Variants in SAFB2 observed in about 807,000 individuals in gnomAD.
The protein encoded by SAFB2 is scaffold attachment factor B2.
In SAFB2, 32 loss-of-function variants were observed where a neutral mutation model predicts 100.6. The ratio of observed to expected loss-of-function variants is 0.32; its 90% CI spans 0.24 to 0.43. The LOEUF (loss-of-function observed/expected upper bound fraction) is 0.43. Ranked by LOEUF, SAFB2 falls within the 20% of genes least tolerant of loss-of-function variation. SAFB2 has a pLI of 1.00. For missense variants in SAFB2, 1,185 were observed against 1,163.4 expected, an observed-to-expected ratio of 1.02 and a Z score of -0.27; for synonymous variants, 500 against 439.4, an observed-to-expected ratio of 1.14 and a Z score of -1.72.
At chr19:5,619,729 C>T (rs2053102776) in intron 2 of SAFB2, among the ~76,000 whole-genome samples, 1 of 151,956 alleles carries the variant, frequency 6.6e-6, no homozygotes, top group African/African-American at 2.4e-5. Flanking sequence ...CCTGTAATCG[C>T]AGCTACTCAG....
At chr19:5,606,677 A>G (rs1164046498) in intron 9 of SAFB2, among the ~76,000 whole-genome samples, 2 of 152,324 alleles carry the variant, frequency 1.3e-5, no homozygotes, top group East Asian at 3.9e-4. Flanking sequence ...CCACAGAAAA[A>G]GAGAGAGAAA....
chr19:5,606,137 G>A (rs145423137), intron 9 of SAFB2, among the ~76,000 whole-genome samples: 366 of 152,298 alleles, frequency 2.4e-3, no homozygotes, highest in Middle Eastern at 0.024. Context: ...GTAATTCACG[G>A]GCCATCAGAC....
At position 5,610,669 on chromosome 19, in the gene SAFB2, C is replaced by G; in HGVS notation, c.1165G>C (p.Asp389His). The change falls in exon 8 of 21, where the codon GAT (aspartate) becomes CAT (histidine). Residue 389 changes from aspartate to histidine, a missense_variant. Asp to His is a moderately conservative substitution (Grantham distance 81). Around this residue, in one of 3 missense-constraint regions of SAFB2, gnomAD observed 351 missense variants for 341.2 expected, o/e 1.03. Coordinates refer to ENST00000252542, the MANE Select transcript of SAFB2 (RefSeq NM_014649.3). ...TCATCTTTAATGATTGGCTTTATAT[C>G]TTTTTCTTCCTTAAAAGAGCTAGAG... ...QKMSSFKEEK[D>H]IKPIIKDEKG... 1 of 1,566,970 alleles carries G rather than the reference C, an allele frequency of 6.4e-7. No individual in the cohort carries two copies. The highest frequency in any genetic ancestry group is 1.1e-5 in the South Asian group (1 of 87,066).
chr19:5,594,585 A>G (rs549726418), intron 14 of SAFB2, among the ~76,000 whole-genome samples: 2 of 152,178 alleles, frequency 1.3e-5, no homozygotes, highest in African/African-American at 4.8e-5. Context: ...CTCTGCTTGC[A>G]GTTTCTGACC....
chr19:5,608,281 G>A (rs1001608174), intron 9 of SAFB2, among the ~76,000 whole-genome samples: 2 of 152,134 alleles, frequency 1.3e-5, no homozygotes, highest in Non-Finnish European at 2.9e-5. Context: ...CACTGACGGC[G>A]TGCTCTAATA....
In SAFB2 at chr19:5,587,270, C is replaced by CG. The variant is rs755920576; in HGVS notation, c.2834dup (p.Tyr946ValfsTer24). On this transcript the variant is annotated frameshift_variant, in exon 21 of 21. Transcript: ENST00000252542. LOFTEE classifies it high-confidence loss of function. The surrounding 1 kb of genome is among the most constrained non-coding windows in gnomAD (Gnocchi z 4.9). ...AGTAGCGGCGGGTGAAGTGGGGGTA[C>CG]GGGGGGGGATGAGGGTGTGGGTGAG... The CG allele has an allele frequency of 2.2e-5, 36 of 1,607,230 alleles. No individual in the cohort carries two copies. Among genetic ancestry groups the CG allele is most frequent in the East Asian group, 2.2e-5 (1 of 44,740 alleles).
At chr19:5,608,016 A>G (rs2052813978) in intron 9 of SAFB2, among the ~76,000 whole-genome samples, 2 of 152,186 alleles carry the variant, frequency 1.3e-5, no homozygotes, top group African/African-American at 4.8e-5. Context: ...CAAAACCCAA[A>G]TGAGAGCAGG....
chr19:5,621,263 C>T (rs1220102259), intron 2 of SAFB2, 46 bp downstream of exon 2: 2 of 1,289,378 alleles, frequency 1.6e-6, no homozygotes, highest in South Asian at 1.2e-5. Flanking sequence ...CACCATTTCT[C>T]TAAATTCTCT....
rs955800625 is a variant in SAFB2 at position 5,591,798 on chromosome 19, A to C, written c.2349-5T>G. On this transcript the variant is annotated splice_region_variant and splice_polypyrimidine_tract_variant and intron_variant, in intron 16 of 20. Transcript: ENST00000252542. Reference sequence around the variant, plus strand: ...ATTGGCCTCGAACCCTCCCGCCTGCAAAAGGAAAAGATCCCGTTCAAACAG... The same window carrying C: ...ATTGGCCTCGAACCCTCCCGCCTGCCAAAGGAAAAGATCCCGTTCAAACAG... The C allele has an allele frequency of 8.1e-6, 13 of 1,613,926 alleles. No homozygotes were observed. In the Admixed American group the frequency reaches 1.0e-4, roughly 12 times the overall value.
intron 18 of SAFB2, among the ~76,000 whole-genome samples, chr19:5,589,493 G>C (rs562505457): frequency 4.1e-4 from 62 of 152,122 alleles, no homozygotes; most frequent in African/African-American, 1.5e-3. Flanking sequence ...CAGGGTCCGA[G>C]GCAGCCCTGG....
intron 4 of SAFB2, among the ~76,000 whole-genome samples, chr19:5,615,659 C>A (rs708691): frequency 0.69 from 104,130 of 152,000 alleles, 35,992 homozygotes; most frequent in East Asian, 0.87. Context: ...TTATGATGAC[C>A]CCACTGCACT....
chr19:5,620,915 G>A (rs1279237654), intron 2 of SAFB2, among the ~76,000 whole-genome samples: 3 of 152,174 alleles, frequency 2.0e-5, no homozygotes, highest in Non-Finnish European at 4.4e-5. Flanking sequence ...TAGCAAAGCT[G>A]AGTTCTATTC....
intron 16 of SAFB2, among the ~76,000 whole-genome samples, chr19:5,592,279 A>G (rs568382881): frequency 6.6e-6 from 1 of 152,182 alleles, no homozygotes. Flanking sequence ...GGATTCTTAC[A>G]CTGGAAAACC....
chr19:5,610,683 A>G lies in SAFB2; in HGVS notation c.1151T>C (p.Phe384Ser). The change falls in exon 8 of 21, where the codon TTT becomes TCT. Residue 384 changes from phenylalanine (F) to serine (S), a missense_variant. Coordinates refer to ENST00000252542, the MANE Select transcript of SAFB2 (RefSeq NM_014649.3). Reference sequence around the variant, plus strand: ...TGGCTTTATATCTTTTTCTTCCTTAAAAGAGCTAGAGACAAAAGTTAATGT... The same window carrying G: ...TGGCTTTATATCTTTTTCTTCCTTAGAAGAGCTAGAGACAAAAGTTAATGT... Reference protein sequence around the residue: ...SEGADQKMSSFKEEKDIKPII... With the variant: ...SEGADQKMSSSKEEKDIKPII... The G allele has an allele frequency of 6.4e-7, 1 of 1,552,480 alleles. No individual in the cohort carries two copies. Among genetic ancestry groups the G allele is most frequent in the Non-Finnish European group, 8.8e-7 (1 of 1,131,720 alleles).
chr19:5,598,487 G>T, intron 13 of SAFB2: 1 of 370,496 alleles, frequency 2.7e-6, no homozygotes, highest in Admixed American at 3.9e-5. Context: ...CCTGCCTTCC[G>T]GCTCGAAAAG....
chr19:5,606,869 AT>A (rs1370193490), intron 9 of SAFB2, among the ~76,000 whole-genome samples: 2 of 152,364 alleles, frequency 1.3e-5, no homozygotes, highest in Admixed American at 1.3e-4. Flanking sequence ...AGGGAGGAAG[AT>A]GATCTCCGAT....
chr19:5,609,539 G>A (rs971416661), intron 9 of SAFB2, among the ~76,000 whole-genome samples: 1 of 151,910 alleles, frequency 6.6e-6, no homozygotes, highest in African/African-American at 2.4e-5. Flanking sequence ...CCTGACTTTA[G>A]GTGATACGCC....
At position 5,593,921 on chromosome 19, in the gene SAFB2, C is replaced by T. The variant is rs773955427; in HGVS notation, c.2177G>A (p.Arg726Gln). The change falls in exon 15 of 21, where the codon CGG becomes CAG. Residue 726 changes from arginine (R) to glutamine (Q), a missense_variant. By Grantham distance (43) the Arg-to-Gln change is conservative. Transcript: ENST00000252542. ...CAGGTCGTAGGGCCTCCGCCCGGGC[C>T]GCCGCTCCTGCTCGTAACGCAGCTG... is the stretch of plus-strand genomic sequence containing the variant. ...QEQLRYEQERRPGRRPYDLDR... is the reference protein window; with the variant it reads ...QEQLRYEQERQPGRRPYDLDR... 1.3e-6 allele frequency: 2 copies of T among 1,532,536 alleles called. No individual in the cohort carries two copies. The highest frequency in any genetic ancestry group is 1.7e-6 in the Non-Finnish European group (2 of 1,151,394). The allele number at this position is 1,532,536 out of a possible 1,614,324, so 94.9% of individuals were successfully genotyped here.
chr19:5,602,723 T>C (rs2052689409), intron 11 of SAFB2, among the ~76,000 whole-genome samples: 1 of 152,074 alleles, frequency 6.6e-6, no homozygotes, highest in Non-Finnish European at 1.5e-5. Flanking sequence ...CACCATACTG[T>C]TAGCTAATTA....
Sources: gnomAD v4.1 joint callset for allele counts (sites outside exome capture counted in the v4.1 genomes callset) on GRCh38, gnomAD v4.1.1 for gene constraint, gnomAD v4.1.1 regional missense constraint, Gnocchi (gnomAD v3.1) non-coding constraint, MANE v1.5 for transcripts, NCBI Gene and HGNC (gene_info 2026-07-23, HGNC 2026-07-21) for gene names.